Variants in GRM7 observed in about 807,000 individuals in gnomAD.
GRM7 encodes the protein metabotropic glutamate receptor 7.
In GRM7, 35 loss-of-function variants were observed where a neutral mutation model predicts 84.5. The ratio of observed to expected loss-of-function variants is 0.41; its 90% confidence interval spans 0.32 to 0.55. The LOEUF is 0.55. Among genes scored for constraint, GRM7 ranks in the 20% least tolerant of loss-of-function variants. GRM7 has a pLI of 0.19. For missense variants in GRM7, 1,003 were observed against 1,194.6 expected (o/e 0.84, Z 2.36); for synonymous variants, 487 against 455.1 (o/e 1.07, Z -0.89).
At chr3:7,519,193 T>C (rs1463670081) in intron 7 of GRM7, among the ~76,000 whole-genome samples, 1 of 152,100 alleles carries the variant, frequency 6.6e-6, no homozygotes, top group Non-Finnish European at 1.5e-5. Flanking sequence ...GCTTTTACTT[T>C]CACTATAAAA....
In GRM7 at chr3:7,151,325, T is replaced by C. The variant is rs1694281798; in HGVS notation, c.736+4657T>C. 6.6e-6 allele frequency among the ~76,000 whole-genome samples: 1 copy of C among 152,132 alleles called. No homozygotes were observed. Among genetic ancestry groups the C allele is most frequent in the South Asian group, 2.1e-4 (1 of 4,826 alleles). ...GCGAGGCTGAGGCGGGAGAACTGCT[T>C]GAACCCAGGAGGCGGAGGTTGCAGT... On this transcript the variant is annotated intron_variant, in intron 2 of 9. Coordinates refer to ENST00000357716, the MANE Select transcript of GRM7 (RefSeq NM_000844.4). This position sits in a 1 kb window ranked among gnomAD's most constrained non-coding sequence, Gnocchi z 4.5.
rs1433288892 is a variant in GRM7, at chr3:7,129,040, G to GCA, written c.520-17412_520-17411insCA. ...TTGAACGTGTTTAGTGCACATTCAC[G>GCA]GATGTTCATAGCAGAGTTGGTATGT... On this transcript the variant is annotated intron_variant, in intron 1 of 9. Transcript: ENST00000357716. Among the ~76,000 whole-genome samples, 320 of 152,258 alleles carry GCA rather than the reference G, an allele frequency of 2.1e-3. 1 individual carries two copies. Among genetic ancestry groups the GCA allele is most frequent in the Non-Finnish European group, 2.9e-3 (200 of 68,004 alleles).
chr3:7,279,739 T>C (rs1699192673), intron 2 of GRM7, among the ~76,000 whole-genome samples: 1 of 152,188 alleles, frequency 6.6e-6, no homozygotes, highest in Admixed American at 6.5e-5. Context: ...ATGCATTACA[T>C]GCTCTTCAAG....
chr3:7,716,982 T>A (rs796976937), intron 9 of GRM7, among the ~76,000 whole-genome samples: 28 of 152,272 alleles, frequency 1.8e-4, no homozygotes, highest in African/African-American at 6.3e-4. Context: ...GTGTTATCTA[T>A]TTTTGCTCAG....
At chr3:6,889,291 G>T (rs1419477715) in intron 1 of GRM7, among the ~76,000 whole-genome samples, 1 of 152,052 alleles carries the variant, frequency 6.6e-6, no homozygotes, top group African/African-American at 2.4e-5. Flanking sequence ...GATGAGAGAG[G>T]GCATCCCTTT....
chr3:7,735,614 C>T (rs984647205), intron 9 of GRM7, among the ~76,000 whole-genome samples: 3 of 152,100 alleles, frequency 2.0e-5, no homozygotes, highest in Admixed American at 2.0e-4. Context: ...TGAACTTTTA[C>T]ATAAAATTAT....
At chr3:7,273,253 G>A (rs1698933664) in intron 2 of GRM7, among the ~76,000 whole-genome samples, 1 of 151,946 alleles carries the variant, frequency 6.6e-6, no homozygotes, top group Non-Finnish European at 1.5e-5. Context: ...AATGTGTTGA[G>A]ATGTGTTTGT....
chr3:7,722,440 C>T (rs1039753934), intron 9 of GRM7, among the ~76,000 whole-genome samples: 6 of 119,922 alleles, frequency 5.0e-5, no homozygotes, highest in Non-Finnish European at 8.2e-5. Context: ...TGGTGACAAT[C>T]CTTGTGTCTT....
chr3:7,296,819 T>TC (rs1699830052), intron 2 of GRM7, among the ~76,000 whole-genome samples: 2 of 151,518 alleles, frequency 1.3e-5, no homozygotes, highest in African/African-American at 4.9e-5. Context: ...AAACAGCTTT[T>TC]TTAAAAAAAA....
intron 1 of GRM7, among the ~76,000 whole-genome samples, chr3:6,999,263 C>A (rs1206690873): frequency 6.6e-6 from 1 of 152,176 alleles, no homozygotes; most frequent in African/African-American, 2.4e-5. Flanking sequence ...AGTTCCTCAT[C>A]TCCATGTGAG....
intron 4 of GRM7, among the ~76,000 whole-genome samples, chr3:7,365,867 C>G (rs1428468076): frequency 6.6e-6 from 1 of 150,998 alleles, no homozygotes; most frequent in Non-Finnish European, 1.5e-5. Context: ...GATCTGGATG[C>G]CCTTCTCTGT....
chr3:7,645,250 A>T (rs539549982), intron 8 of GRM7, among the ~76,000 whole-genome samples: 1 of 151,994 alleles, frequency 6.6e-6, no homozygotes, highest in African/African-American at 2.4e-5. Flanking sequence ...AAGAAGCTGA[A>T]TTTTCTACTG....
chr3:7,577,426 A>C (rs1335269903), intron 7 of GRM7, among the ~76,000 whole-genome samples: 1 of 152,220 alleles, frequency 6.6e-6, no homozygotes, highest in East Asian at 1.9e-4. Flanking sequence ...CAAGAGCTTC[A>C]GTGTAAGTTC....
chr3:6,894,475 A>T (rs959599309), intron 1 of GRM7, among the ~76,000 whole-genome samples: 2 of 152,156 alleles, frequency 1.3e-5, no homozygotes, highest in African/African-American at 4.8e-5. Context: ...CTATCCTAAA[A>T]ATGCTAGAAT....
At chr3:7,351,386 A>G (rs926528226) in intron 4 of GRM7, among the ~76,000 whole-genome samples, 1 of 146,304 alleles carries the variant, frequency 6.8e-6, no homozygotes, top group African/African-American at 2.5e-5. Flanking sequence ...AAACTGACCC[A>G]ACCCTCCTTC....
chr3:7,396,823 T>G (rs960454868), intron 4 of GRM7, among the ~76,000 whole-genome samples: 3 of 152,162 alleles, frequency 2.0e-5, no homozygotes, highest in Non-Finnish European at 4.4e-5. Flanking sequence ...CATTTTAAAG[T>G]GCTACCTCTG....
chr3:7,674,446 C>G (rs1234373811), intron 8 of GRM7, among the ~76,000 whole-genome samples: 1 of 152,114 alleles, frequency 6.6e-6, no homozygotes, highest in Non-Finnish European at 1.5e-5. Flanking sequence ...CCTGCCTCGG[C>G]CTTCCAAAGT....
intron 1 of GRM7, among the ~76,000 whole-genome samples, chr3:7,091,286 G>C (rs1174022029): frequency 6.6e-6 from 1 of 151,934 alleles, no homozygotes; most frequent in Non-Finnish European, 1.5e-5. Flanking sequence ...ATAACTAAAG[G>C]CCTTCTTCTG....
chr3:7,546,650 CTT>C (rs1693166314), intron 7 of GRM7, among the ~76,000 whole-genome samples: 1 of 152,034 alleles, frequency 6.6e-6, no homozygotes, highest in South Asian at 2.1e-4. Context: ...TTAACACTGA[CTT>C]TGAATTAGTC....
Sources: allele counts gnomAD v4.1 joint callset (sites outside exome capture counted in the v4.1 genomes callset), GRCh38; gene constraint gnomAD v4.1.1; non-coding constraint Gnocchi (gnomAD v3.1); transcripts MANE v1.5; gene names NCBI Gene and HGNC (gene_info 2026-07-23, HGNC 2026-07-21).